Variants in AHNAK observed in about 807,000 individuals in gnomAD.
AHNAK encodes neuroblast differentiation-associated protein AHNAK.
In AHNAK, 23 loss-of-function variants were observed where a neutral mutation model predicts 37.8. The ratio of observed to expected loss-of-function variants is 0.61; its 90% CI spans 0.44 to 0.86. The LOEUF (loss-of-function observed/expected upper bound fraction) is 0.86, where lower values mean the gene tolerates loss of function less well. Ranked by LOEUF, AHNAK falls within the 40% of genes least tolerant of loss-of-function variation. The pLI is 0.00. For missense variants in AHNAK, 7,411 were observed against 7,319.4 expected (o/e 1.01, Z -0.46); for synonymous variants, 2,481 against 2,636.3 (o/e 0.94, Z 1.80).
intron 5 of AHNAK, among the ~76,000 whole-genome samples, chr11:62,483,609 A>C (rs1305337295): frequency 6.6e-6 from 1 of 151,472 alleles, no homozygotes; most frequent in Non-Finnish European, 1.5e-5. Context: ...CTGTAATCCC[A>C]GCGCTTTGGG....
chr11:62,434,788 C>T (rs1268423465), intron 5 of AHNAK, among the ~76,000 whole-genome samples: 3 of 151,908 alleles, frequency 2.0e-5, no homozygotes, highest in Non-Finnish European at 2.9e-5. Flanking sequence ...AAAAATTAGC[C>T]GGGTGTGGTG....
intron 5 of AHNAK, among the ~76,000 whole-genome samples, chr11:62,460,293 A>T (rs2134824558): frequency 6.6e-6 from 1 of 152,230 alleles, no homozygotes; most frequent in African/African-American, 2.4e-5. Flanking sequence ...TCTCAAAAAT[A>T]AACAAACAAA....
intron 5 of AHNAK, among the ~76,000 whole-genome samples, chr11:62,451,169 C>T (rs1365971766): frequency 6.6e-6 from 1 of 150,930 alleles, no homozygotes; most frequent in African/African-American, 2.4e-5. Context: ...CAACTTCCGC[C>T]TCCTGGCTTC....
chr11:62,492,478 C>A (rs1195552170), intron 4 of AHNAK, among the ~76,000 whole-genome samples: 2 of 152,182 alleles, frequency 1.3e-5, no homozygotes, highest in Non-Finnish European at 2.9e-5. Context: ...CTGGCAGCAA[C>A]ACTGAAACCA....
Position 62,524,806 on chromosome 11 carries a change from C to T in AHNAK, c.9611G>A (p.Gly3204Asp), listed in dbSNP as rs1469909069. ...NIEGPDAKLK[G>D]PKFKMPEMNI... ...CATCTCTGGCATCTTGAATTTAGGG[C>T]CCTTCAGTTTCGCATCTGGACCTTC... The change falls in exon 5 of 5, where the codon GGC becomes GAC. Residue 3204 changes from glycine to aspartate, a missense_variant. Physicochemically the swap from Gly to Asp is moderately conservative, Grantham distance 94. Coordinates refer to ENST00000378024, the MANE Select transcript of AHNAK (RefSeq NM_001620.3). The T allele has an allele frequency of 6.2e-7, 1 of 1,614,156 alleles. No individual in the cohort carries two copies. Among genetic ancestry groups the T allele is most frequent in the South Asian group, 1.1e-5 (1 of 91,070 alleles).
Position 62,531,907 on chromosome 11 carries a change from T to A in AHNAK, c.2510A>T (p.Asp837Val), listed in dbSNP as rs1400529984. ...LKGPNVKGEY[D>V]VTMPKVESEI... ...ACTTTCAACCTTTGGCATTGTGACA[T>A]CATATTCTCCCTTTACGTTAGGGCC... is the stretch of plus-strand genomic sequence containing the variant. The change falls in exon 5 of 5, where the codon GAT becomes GTT. Residue 837 changes from aspartate (D) to valine (V), a missense_variant. Asp to Val is a radical substitution (Grantham distance 152). Transcript: ENST00000378024. The A allele has an allele frequency of 2.5e-6, 4 of 1,613,392 alleles. No homozygotes were observed. Among genetic ancestry groups the A allele is most frequent in the Non-Finnish European group, 3.4e-6 (4 of 1,179,860 alleles).
At position 62,520,604 on chromosome 11, in the gene AHNAK, G is replaced by A; in HGVS notation, c.13813C>T (p.Pro4605Ser). ...MPEVDLNLKG[P>S]KVKGDMDISL... Reference sequence around the variant, plus strand: ...ATGTCCATGTCGCCCTTCACCTTTGGACCTTTCAGATTCAGGTCAACTTCA... The same window carrying A: ...ATGTCCATGTCGCCCTTCACCTTTGAACCTTTCAGATTCAGGTCAACTTCA... The change falls in exon 5 of 5, where the codon CCA becomes TCA. Residue 4605 changes from proline to serine, a missense_variant. By Grantham distance (74) the Pro-to-Ser change is moderately conservative. Coordinates refer to ENST00000378024, the MANE Select transcript of AHNAK (RefSeq NM_001620.3). 5 of 1,614,092 alleles carry A rather than the reference G, an allele frequency of 3.1e-6. No individual in the cohort carries two copies. In the South Asian group the frequency reaches 5.5e-5, roughly 18 times the overall value.
intron 4 of AHNAK, among the ~76,000 whole-genome samples, chr11:62,495,369 T>C (rs1317295918): frequency 6.6e-6 from 1 of 152,178 alleles, no homozygotes; most frequent in Non-Finnish European, 1.5e-5. Flanking sequence ...AGCATGGCTT[T>C]CACCTAAACA....
In AHNAK at chr11:62,533,972, G is replaced by A. The variant is rs183069692; in HGVS notation, c.445C>T (p.Arg149Cys). 302 of 1,612,100 alleles carry A rather than the reference G, an allele frequency of 1.9e-4. No individual in the cohort carries two copies. In the East Asian group the frequency reaches 5.9e-3, roughly 32 times the overall value. The stretch of plus-strand genomic sequence containing the variant: ...ACCCTTCTGGTCACTGTGATGGTAC[G>A]GCTCTGGGTCTCCCCGAGGTCTCCT... Reference protein sequence around the residue: ...VEGDLGETQSRTITVTRRVTA... With the variant: ...VEGDLGETQSCTITVTRRVTA... The change falls in exon 5 of 5, where the codon CGT becomes TGT. Residue 149 changes from arginine to cysteine, a missense_variant. Coordinates refer to ENST00000378024, the MANE Select transcript of AHNAK (RefSeq NM_001620.3).
In AHNAK at chr11:62,521,552, G is replaced by T; in HGVS notation, c.12865C>A (p.Pro4289Thr). The change falls in exon 5 of 5, where the codon CCA becomes ACA. Residue 4289 changes from proline (P) to threonine (T), a missense_variant. Coordinates refer to ENST00000378024, the MANE Select transcript of AHNAK (RefSeq NM_001620.3). ...LPKVEGDLKG[P>T]EVDIKGPKVD... is the part of the protein sequence containing the mutation. ...TTGGGGCCCTTGATGTCAACTTCTG[G>T]GCCCTTGAGGTCACCTTCCACTTTA... 1 of 1,612,326 alleles carries T rather than the reference G, an allele frequency of 6.2e-7. No homozygotes were observed. The highest frequency in any genetic ancestry group is 8.5e-7 in the Non-Finnish European group (1 of 1,179,688).
At chr11:62,508,090 T>C (rs1939840517) in intron 4 of AHNAK, among the ~76,000 whole-genome samples, 1 of 152,040 alleles carries the variant, frequency 6.6e-6, no homozygotes, top group African/African-American at 2.4e-5. Context: ...ATTACAGGAG[T>C]GAGCTATTGT....
At chr11:62,537,074 C>T (rs1482806362) in intron 1 of AHNAK, among the ~76,000 whole-genome samples, 5 of 151,962 alleles carry the variant, frequency 3.3e-5, no homozygotes, top group African/African-American at 1.2e-4. Context: ...CTGCCTCAGC[C>T]TCCCGAGTAG....
At chr11:62,467,539 G>T (rs1938937100) in intron 5 of AHNAK, among the ~76,000 whole-genome samples, 1 of 152,148 alleles carries the variant, frequency 6.6e-6, no homozygotes, top group Admixed American at 6.6e-5. Context: ...ACAAACATTA[G>T]CCGGGCATGG....
Position 62,524,940 on chromosome 11 carries a change from G to A in AHNAK, c.9477C>T (p.Ser3159=), listed in dbSNP as rs149953106. 95 of 1,614,024 alleles carry A rather than the reference G, an allele frequency of 5.9e-5. No individual in the cohort carries two copies. The African/African-American group carries it at 1.1e-3, about 19-fold the overall frequency. The part of the protein sequence containing the change: ...KMPKIKMPKI[S]MPGFKGEGPE... ...GACCTTCTCCTTTGAAGCCAGGCATGCTGATCTTGGGCATTTTTATTTTAG... is the reference window on the plus strand; with the variant it reads ...GACCTTCTCCTTTGAAGCCAGGCATACTGATCTTGGGCATTTTTATTTTAG... Residue 3159 remains serine (S), a synonymous_variant, in exon 5 of 5, where the codon AGC becomes AGT. Transcript: ENST00000378024.
chr11:62,511,586 A>G (rs559340741), downstream of AHNAK, among the ~76,000 whole-genome samples: 6 of 152,284 alleles, frequency 3.9e-5, no homozygotes, highest in Admixed American at 6.5e-5. Flanking sequence ...AAGTAAGTGT[A>G]GAGCTTCCCG....
rs765238324 is a variant in AHNAK, at chr11:62,532,905, A to G, written c.1512T>C (p.Asp504=). 1.2e-6 allele frequency: 2 copies of G among 1,614,120 alleles called. No individual in the cohort carries two copies. Among genetic ancestry groups the G allele is most frequent in the Non-Finnish European group, 1.7e-6 (2 of 1,180,020 alleles). The change falls in exon 5 of 5, where the codon GAT becomes GAC. Residue 504 remains aspartate (D), a synonymous_variant. Transcript: ENST00000378024. ...TAGGAGACCCAAGGCTCAGATCCAC[A>G]TCCTGCATGGAGATTTTAGGTTTCT... is the stretch of plus-strand genomic sequence containing the variant. ...IIQKPKISMQ[D]VDLSLGSPKL... is the part of the protein sequence containing the mutation.
chr11:62,462,837 GA>G (rs1590601769), intron 5 of AHNAK, among the ~76,000 whole-genome samples: 1 of 152,042 alleles, frequency 6.6e-6, no homozygotes, highest in East Asian at 1.9e-4. Context: ...AGTTTCAGAA[GA>G]GTTGGCTTCA....
At position 62,525,098 on chromosome 11, in the gene AHNAK, C is replaced by T. The variant is rs142371310; in HGVS notation, c.9319G>A (p.Gly3107Ser). The change falls in exon 5 of 5, where the codon GGT (glycine) becomes AGT (serine). Residue 3107 changes from glycine to serine, a missense_variant. By Grantham distance (56) the Gly-to-Ser change is moderately conservative (BLOSUM62 0). Transcript: ENST00000378024. Reference sequence around the variant, plus strand: ...TTTGGCAGAGACACATCCATGTCACCCTTCACTTTGGGACCTTTCAGGTTA... The same window carrying T: ...TTTGGCAGAGACACATCCATGTCACTCTTCACTTTGGGACCTTTCAGGTTA... ...DLNLKGPKVK[G>S]DMDVSLPKVE... 1.2e-5 allele frequency: 20 copies of T among 1,614,072 alleles called. No homozygotes were observed. Among genetic ancestry groups the T allele is most frequent in the Non-Finnish European group, 1.7e-5 (20 of 1,180,034 alleles).
chr11:62,530,418 C>A lies in AHNAK; in HGVS notation c.3999G>T (p.Lys1333Asn), dbSNP rs756860114. The change falls in exon 5 of 5, where the codon AAG (lysine) becomes AAT (asparagine). Residue 1333 changes from lysine to asparagine, a missense_variant. Coordinates refer to ENST00000378024, the MANE Select transcript of AHNAK (RefSeq NM_001620.3). The part of the protein sequence containing the change: ...ISMPDVDLNL[K>N]GPKLKGDVDV... ...CCACATCTCCCTTCAATTTTGGCCC[C>A]TTAAGATTCAGGTCCACATCAGGCA... The A allele has an allele frequency of 2.8e-5, 45 of 1,613,878 alleles. No individual in the cohort carries two copies. Among genetic ancestry groups the A allele is most frequent in the Non-Finnish European group, 3.7e-5 (44 of 1,179,996 alleles).
Sources: gnomAD v4.1 joint callset for allele counts (sites outside exome capture counted in the v4.1 genomes callset) on GRCh38, gnomAD v4.1.1 for gene constraint, MANE v1.5 for transcripts, NCBI Gene and HGNC (gene_info 2026-07-23, HGNC 2026-07-21) for gene names.